The following ARHGAP10 variants were observed in gnomAD, a reference collection of about 807,000 sequenced individuals.
ARHGAP10 encodes the protein Rho GTPase activating protein 10.
A neutral mutation model predicts 108.6 loss-of-function variants in ARHGAP10; 87 were observed. The ratio of observed to expected loss-of-function variants is 0.80; its 90% CI spans 0.67 to 0.96. ARHGAP10 has a LOEUF of 0.96. Among genes scored for constraint, ARHGAP10 ranks in the 40% least tolerant of loss-of-function variants. ARHGAP10 has a pLI of 0.00. For missense variants in ARHGAP10, 939 were observed against 954.5 expected (o/e 0.98, Z 0.21); for synonymous variants, 347 against 341.1 (o/e 1.02, Z -0.19).
At chr4:147,806,098 T>A (rs1273975604) in intron 1 of ARHGAP10, among the ~76,000 whole-genome samples, 1 of 152,134 alleles carries the variant, frequency 6.6e-6, no homozygotes, top group Non-Finnish European at 1.5e-5. Context: ...AGAACTACCA[T>A]GCACACATAC....
intron 14 of ARHGAP10, among the ~76,000 whole-genome samples, chr4:147,940,891 G>A (rs1023140418): frequency 6.6e-5 from 10 of 152,160 alleles, no homozygotes; most frequent in Admixed American, 3.3e-4. Flanking sequence ...GAAATTGCCC[G>A]TCATCAGTTG....
At chr4:147,996,427 T>A (rs1740481812) in intron 18 of ARHGAP10, among the ~76,000 whole-genome samples, 1 of 152,230 alleles carries the variant, frequency 6.6e-6, no homozygotes, top group Non-Finnish European at 1.5e-5. Flanking sequence ...CATGACCATC[T>A]CATACTCTGT....
intron 20 of ARHGAP10, 123 bp from the exon 21 acceptor site, chr4:148,063,023 CTG>C (rs1460137285): frequency 2.5e-6 from 3 of 1,205,578 alleles, no homozygotes; most frequent in Non-Finnish European, 3.5e-6. Context: ...AGAGAGGACT[CTG>C]TCCCTACTGG....
intron 1 of ARHGAP10, among the ~76,000 whole-genome samples, chr4:147,822,399 G>A (rs1474590318): frequency 1.3e-5 from 2 of 152,196 alleles, no homozygotes; most frequent in Non-Finnish European, 2.9e-5. Flanking sequence ...TCAGAATTGG[G>A]CAAGTCCTGA....
At position 147,802,033 on chromosome 4, in the gene ARHGAP10, C is replaced by T. The variant is rs1356845070; in HGVS notation, c.155-20694C>T. Among the ~76,000 whole-genome samples, 6 of 152,184 alleles carry T rather than the reference C, an allele frequency of 3.9e-5. No homozygotes were observed. In the East Asian group the frequency reaches 1.2e-3, roughly 29 times the overall value. On this transcript the variant is annotated intron_variant, in intron 1 of 22. Coordinates refer to ENST00000336498, the MANE Select transcript of ARHGAP10 (RefSeq NM_024605.4). ...GAGTAAATAGGACTAAACACTGGCC[C>T]TGTTTAATGTCGCTTGAGTAATGAT... is the stretch of plus-strand genomic sequence containing the variant.
intron 18 of ARHGAP10, among the ~76,000 whole-genome samples, chr4:147,983,295 C>T (rs1026417468): frequency 1.1e-4 from 16 of 151,502 alleles, no homozygotes; most frequent in African/African-American, 3.9e-4. Flanking sequence ...ACGCCATTCT[C>T]CTGCCTCAGC....
At chr4:147,898,992 G>A (rs1347528556) in intron 10 of ARHGAP10, among the ~76,000 whole-genome samples, 5 of 152,122 alleles carry the variant, frequency 3.3e-5, no homozygotes, top group African/African-American at 1.2e-4. Flanking sequence ...ATTACAATTC[G>A]AGAAACCCTC....
Position 147,771,097 on chromosome 4 carries a change from A to T in ARHGAP10, c.154+38642A>T, listed in dbSNP as rs570602126. On this transcript the variant is annotated intron_variant, in intron 1 of 22. Transcript: ENST00000336498. Reference sequence around the variant, plus strand: ...ACCCTATGTTCCCTGTAATCCTAGCACTTTGGGAGGCCCAGGTTGGAAGAT... The same window carrying T: ...ACCCTATGTTCCCTGTAATCCTAGCTCTTTGGGAGGCCCAGGTTGGAAGAT... 8.5e-5 allele frequency among the ~76,000 whole-genome samples: 13 copies of T among 152,186 alleles called. No homozygotes were observed. In the South Asian group the frequency reaches 2.7e-3, roughly 32 times the overall value.
intron 1 of ARHGAP10, among the ~76,000 whole-genome samples, chr4:147,772,358 G>GCTCTGCCTTTCTC (rs1341554367): frequency 1.3e-5 from 2 of 152,220 alleles, no homozygotes; most frequent in Non-Finnish European, 2.9e-5. Flanking sequence ...TTTTAGGTCT[G>GCTCTGCCTTTCTC]CTCTGCCTTT....
intron 1 of ARHGAP10, among the ~76,000 whole-genome samples, chr4:147,758,974 A>G (rs1276867908): frequency 1.4e-5 from 2 of 147,236 alleles, no homozygotes; most frequent in African/African-American, 5.0e-5. Flanking sequence ...CTCTGTCTCA[A>G]AAAAAAAAAA....
At chr4:147,956,120 C>G (rs867676699) in intron 16 of ARHGAP10, among the ~76,000 whole-genome samples, 1 of 152,068 alleles carries the variant, frequency 6.6e-6, no homozygotes, top group African/African-American at 2.4e-5. Flanking sequence ...TTATAGGGAG[C>G]CTTATTTAAA....
Position 147,785,406 on chromosome 4 carries a change from T to C in ARHGAP10, c.155-37321T>C, listed in dbSNP as rs182900866. On this transcript the variant is annotated intron_variant, in intron 1 of 22. Transcript: ENST00000336498. ...CTTTCAAAAGGTGCCTTGAGAACTT[T>C]AGGCATAAGTGAAAGCTGTATTGTG... 3.9e-3 allele frequency among the ~76,000 whole-genome samples: 591 copies of C among 152,288 alleles called. 5 individuals are homozygous for C. The highest frequency in any genetic ancestry group is 0.013 in the African/African-American group (552 of 41,564).
At chr4:148,063,903 G>C (rs1006258299) in intron 21 of ARHGAP10, among the ~76,000 whole-genome samples, 2 of 152,236 alleles carry the variant, frequency 1.3e-5, no homozygotes, top group Non-Finnish European at 2.9e-5. Context: ...TCTTGGGGCG[G>C]AGGCAGGGTG....
At chr4:148,060,344 AGTTTTTT>A (rs1275268066) in intron 20 of ARHGAP10, among the ~76,000 whole-genome samples, 1 of 120,834 alleles carries the variant, frequency 8.3e-6, no homozygotes, top group African/African-American at 3.0e-5. Context: ...GCTCATGTTT[AGTTTTTT>A]TTTTTTTTTT....
chr4:147,848,113 A>T (rs867611022), intron 4 of ARHGAP10, among the ~76,000 whole-genome samples: 6 of 147,056 alleles, frequency 4.1e-5, no homozygotes, highest in Middle Eastern at 3.5e-3. Flanking sequence ...TTCTCTTCCT[A>T]AAAGAAATGA....
At chr4:147,854,080 A>G (rs906089637) in intron 4 of ARHGAP10, among the ~76,000 whole-genome samples, 1 of 152,202 alleles carries the variant, frequency 6.6e-6, no homozygotes, top group African/African-American at 2.4e-5. Context: ...TACCATTTAT[A>G]TAACGTATGT....
intron 3 of ARHGAP10, among the ~76,000 whole-genome samples, chr4:147,831,425 A>G (rs1481375593): frequency 6.6e-6 from 1 of 152,252 alleles, no homozygotes; most frequent in Non-Finnish European, 1.5e-5. Context: ...ATGCCATTAA[A>G]AAGATTATGC....
intron 13 of ARHGAP10, among the ~76,000 whole-genome samples, chr4:147,934,178 C>G (rs1356055557): frequency 3.3e-5 from 5 of 152,224 alleles, no homozygotes; most frequent in Admixed American, 3.3e-4. Flanking sequence ...TTTTGGACCC[C>G]TTGGCAGATA....
At chr4:147,996,200 G>T (rs1740469606) in intron 18 of ARHGAP10, among the ~76,000 whole-genome samples, 1 of 152,208 alleles carries the variant, frequency 6.6e-6, no homozygotes, top group African/African-American at 2.4e-5. Context: ...AGAAAGGAGA[G>T]AATAGCTAGG....
Sources: gnomAD v4.1 joint callset for allele counts (sites outside exome capture counted in the v4.1 genomes callset) on GRCh38, gnomAD v4.1.1 for gene constraint, MANE v1.5 for transcripts, NCBI Gene and HGNC (gene_info 2026-07-23, HGNC 2026-07-21) for gene names.